Variants in METTL8 observed in about 807,000 individuals in gnomAD.
METTL8 encodes methyltransferase 8, tRNA N3-cytidine, also known as tRNA N(3)-cytidine methyltransferase METTL8, mitochondrial.
Under a neutral mutation model 48.7 loss-of-function variants are expected in METTL8, and 32 were observed. The ratio of observed to expected loss-of-function variants is 0.66; its 90% confidence interval spans 0.50 to 0.88. The LOEUF (loss-of-function observed/expected upper bound fraction) is 0.88. METTL8 is among the 40% of genes least tolerant of loss of function. The probability of loss-of-function intolerance (pLI) is 0.00; values close to 1 mark genes in which losing one functional copy is unlikely to be tolerated. For missense variants in METTL8, 464 were observed against 474.4 expected (o/e 0.98, Z 0.20); for synonymous variants, 136 against 157.1 (o/e 0.87, Z 1.01).
chr2:171,349,426 T>C (rs1244511214), intron 3 of METTL8, among the ~76,000 whole-genome samples: 2 of 152,364 alleles, frequency 1.3e-5, no homozygotes, highest in South Asian at 4.1e-4. Context: ...TCTGTCTTTT[T>C]GTGGTGGCTT....
At position 171,394,395 on chromosome 2, in the gene METTL8, A is replaced by G. The variant is rs186606291; in HGVS notation, c.-12-2198T>C. 2.2e-3 allele frequency among the ~76,000 whole-genome samples: 319 copies of G among 147,606 alleles called. 4 individuals carry two copies. The highest frequency in any genetic ancestry group is 7.1e-3 in the African/African-American group (286 of 40,464). ...ATACTCATCTATATATAGAAGAGGG[A>G]AAAAAAAAAAGTAAGAGTTTCTCTC... On this transcript the variant is annotated intron_variant, in intron 1 of 9. Coordinates refer to ENST00000375258, the MANE Select transcript of METTL8 (RefSeq NM_001321154.2).
At chr2:171,330,745 TC>T (rs1685442740) in intron 6 of METTL8, 47 bp from the exon 7 acceptor site, 2 of 1,495,018 alleles carry the variant, frequency 1.3e-6, no homozygotes, top group Non-Finnish European at 1.8e-6. Flanking sequence ...TTAGTAGACT[TC>T]CGGGATTTTT....
In METTL8 at chr2:171,317,841, G is replaced by C. The variant is rs1297738973; in HGVS notation, c.*6331C>G. 3 of 152,320 alleles carry C rather than the reference G, an allele frequency of 2.0e-5. No individual in the cohort carries two copies. The highest frequency in any genetic ancestry group is 2.0e-4 in the Admixed American group (3 of 15,290). The allele number at this position is 152,320 out of a possible 1,614,324, so 9.4% of individuals were successfully genotyped here. A position where few individuals can be genotyped will look rare whatever the true frequency, so the allele number is the denominator to read the frequency against. ...CATCCATCTCATGCCAACCTGACTTGCCAGAATTAGGGTCACTGTGCTCTG... is the reference window on the plus strand; with the variant it reads ...CATCCATCTCATGCCAACCTGACTTCCCAGAATTAGGGTCACTGTGCTCTG... On this transcript the variant is annotated 3_prime_UTR_variant, in exon 10 of 10. Transcript: ENST00000375258.
chr2:171,414,126 A>T (rs1691034159), intron 1 of METTL8, among the ~76,000 whole-genome samples: 1 of 152,164 alleles, frequency 6.6e-6, no homozygotes, highest in African/African-American at 2.4e-5. Context: ...CTGCTTAAAA[A>T]TGTTGCTAAA....
Position 171,360,438 on chromosome 2 carries a change from G to T in METTL8, c.219C>A (p.Val73=). 1 of 1,613,732 alleles carries T rather than the reference G, an allele frequency of 6.2e-7. No homozygotes were observed. The change falls in exon 3 of 10, where the codon GTC becomes GTA. Residue 73 remains valine, a synonymous_variant. Transcript: ENST00000375258. ...KKVKENSAVR[V]LLEEQVKYER... is the part of the protein sequence containing the mutation. ...GTTGACTACCTTGCTCTTCCAGAAG[G>T]ACTCGCACAGCTGAGTTTTCTTTTA...
At chr2:171,375,211 C>A in intron 2 of METTL8, 1 of 1,369,710 alleles carries the variant, frequency 7.3e-7, no homozygotes, top group Non-Finnish European at 1.0e-6. Context: ...ACAGTTAGTG[C>A]AGCGAATAGG....
At chr2:171,356,268 T>A (rs950074659) in intron 3 of METTL8, among the ~76,000 whole-genome samples, 7 of 152,288 alleles carry the variant, frequency 4.6e-5, no homozygotes, top group Admixed American at 4.6e-4. Flanking sequence ...AGCTCCCGAA[T>A]AGCTAGGACT....
rs182772423 is a variant in METTL8 at position 171,397,521 on chromosome 2, T to C, written c.-12-5324A>G. Among the ~76,000 whole-genome samples, 24 of 130,516 alleles carry C rather than the reference T, an allele frequency of 1.8e-4. No individual in the cohort carries two copies. In the East Asian group the frequency reaches 4.8e-3, roughly 26 times the overall value. 85.6% of individuals were successfully genotyped at this position (130,516 alleles called of 152,430 possible). On this transcript the variant is annotated intron_variant, in intron 1 of 9. Transcript: ENST00000375258. ...GTGAACTATGATCATGCTATTGCAC[T>C]GCATTCTGGGCGACAGAGCAAAACC...
chr2:171,351,745 C>T (rs528436576), intron 3 of METTL8, among the ~76,000 whole-genome samples: 1 of 152,236 alleles, frequency 6.6e-6, no homozygotes, highest in Non-Finnish European at 1.5e-5. Context: ...GGAGTTCACT[C>T]ATGATTTGGC....
intron 4 of METTL8, among the ~76,000 whole-genome samples, chr2:171,338,452 A>G (rs1238931425): frequency 6.6e-6 from 1 of 152,092 alleles, no homozygotes; most frequent in East Asian, 1.9e-4. Context: ...AGCCTGGCCA[A>G]CGTGGCGAAA....
chr2:171,421,997 T>C (rs755457119), intron 1 of METTL8, among the ~76,000 whole-genome samples: 3 of 152,198 alleles, frequency 2.0e-5, no homozygotes, highest in Non-Finnish European at 2.9e-5. Flanking sequence ...TTTTAAAAGG[T>C]ATATGAAAGT....
At chr2:171,342,414 A>G (rs897806334) in intron 3 of METTL8, among the ~76,000 whole-genome samples, 5 of 152,238 alleles carry the variant, frequency 3.3e-5, no homozygotes, top group Admixed American at 6.5e-5. Context: ...CTGAAACTAT[A>G]TATTTGTCTT....
intron 5 of METTL8, among the ~76,000 whole-genome samples, chr2:171,333,453 T>C (rs921910933): frequency 6.6e-6 from 1 of 152,224 alleles, no homozygotes; most frequent in Non-Finnish European, 1.5e-5. Flanking sequence ...AACATATAAT[T>C]CACTCATTCT....
intron 1 of METTL8, among the ~76,000 whole-genome samples, chr2:171,397,369 A>AC (rs1553526617): frequency 3.4e-5 from 5 of 146,616 alleles, no homozygotes; most frequent in African/African-American, 7.4e-5. Context: ...AAAAAAAAAA[A>AC]AAAAAAAAAA....
At chr2:171,362,135 T>TA (rs911076306) in intron 2 of METTL8, among the ~76,000 whole-genome samples, 25 of 152,246 alleles carry the variant, frequency 1.6e-4, no homozygotes, top group African/African-American at 5.3e-4. Flanking sequence ...CAGAGGATCT[T>TA]AAATGTGGGG....
intron 2 of METTL8, among the ~76,000 whole-genome samples, chr2:171,391,004 C>T (rs1431001774): frequency 1.3e-5 from 2 of 152,188 alleles, no homozygotes; most frequent in African/African-American, 4.8e-5. Context: ...CAAACAGCAT[C>T]ACATGCTACA....
rs1684961435 is a variant in METTL8 at position 171,326,390 on chromosome 2, G to A, written c.861-242C>T. On this transcript the variant is annotated intron_variant, in intron 7 of 9. Transcript: ENST00000375258. ...AGAAATCACCCAAATGATCAGAGTG[G>A]TAACTTCACAGAGCTTGACGTATGA... 6 of 425,946 alleles carry A rather than the reference G, an allele frequency of 1.4e-5. No individual in the cohort carries two copies. The East Asian group carries it at 2.4e-4, about 17-fold the overall frequency. The allele number at this position is 425,946 out of a possible 1,614,324, so 26.4% of individuals were successfully genotyped here.
intron 7 of METTL8, among the ~76,000 whole-genome samples, chr2:171,328,460 T>C (rs1685184129): frequency 6.6e-6 from 1 of 152,188 alleles, no homozygotes; most frequent in African/African-American, 2.4e-5. Context: ...TTTCTGGGGT[T>C]GAATCTACTA....
rs1436169520 is a variant in METTL8 at position 171,380,097 on chromosome 2, T to C, written c.143+11946A>G. Among the ~76,000 whole-genome samples the C allele has an allele frequency of 3.3e-5, 5 of 152,290 alleles. No homozygotes were observed. In the East Asian group the frequency reaches 9.6e-4, roughly 29 times the overall value. On this transcript the variant is annotated intron_variant, in intron 2 of 9. Transcript: ENST00000375258. Reference sequence around the variant, plus strand: ...TGTGATGCAAGGCTGGTTCAGCATATGCAAATCAATAAGCATAATCCATCA... The same window carrying C: ...TGTGATGCAAGGCTGGTTCAGCATACGCAAATCAATAAGCATAATCCATCA...
Sources: allele counts gnomAD v4.1 joint callset (sites outside exome capture counted in the v4.1 genomes callset), GRCh38; gene constraint gnomAD v4.1.1; transcripts MANE v1.5; gene names NCBI Gene and HGNC (gene_info 2026-07-23, HGNC 2026-07-21).